Variants in BCAS3 observed in about 807,000 individuals in gnomAD.
The protein encoded by BCAS3 is BCAS3 microtubule associated cell migration factor, also known as BCAS4/BCAS3 fusion.
In BCAS3, 53 loss-of-function variants were observed where a neutral mutation model predicts 116.1. The ratio of observed to expected loss-of-function variants is 0.46; its 90% CI spans 0.37 to 0.57. The LOEUF (loss-of-function observed/expected upper bound fraction) is 0.57. BCAS3 is among the 20% of genes least tolerant of loss of function. The pLI is 0.00. For missense variants in BCAS3, 917 were observed against 1,165.4 expected (o/e 0.79, Z 3.10); for synonymous variants, 391 against 408.2 (o/e 0.96, Z 0.51).
intron 6 of BCAS3, among the ~76,000 whole-genome samples, chr17:60,761,847 C>T (rs2043574667): frequency 7.0e-6 from 1 of 142,446 alleles, no homozygotes; most frequent in African/African-American, 3.1e-5. Context: ...TCCTATTTCT[C>T]CACATCCTCT....
chr17:61,045,924 A>T (rs1275306244), intron 19 of BCAS3, among the ~76,000 whole-genome samples: 5 of 18,362 alleles, frequency 2.7e-4, no homozygotes, highest in Non-Finnish European at 3.5e-4. Context: ...TATATATATA[A>T]TATATATAAA....
At chr17:60,981,303 A>C (rs1437260846) in intron 14 of BCAS3, among the ~76,000 whole-genome samples, 1 of 151,356 alleles carries the variant, frequency 6.6e-6, no homozygotes, top group African/African-American at 2.4e-5. Flanking sequence ...TTCTTGAGAC[A>C]GGGTCTCGCT....
intron 7 of BCAS3, among the ~76,000 whole-genome samples, chr17:60,849,225 A>G (rs1406095594): frequency 1.3e-5 from 2 of 152,104 alleles, no homozygotes; most frequent in African/African-American, 4.8e-5. Context: ...CAGTCTTGAG[A>G]CAGAATTTTT....
At chr17:60,757,630 T>G (rs12946296) in intron 6 of BCAS3, among the ~76,000 whole-genome samples, 110,331 of 152,026 alleles carry the variant, frequency 0.73, 45,743 homozygotes, top group South Asian at 0.98. Flanking sequence ...TTGTTGAATT[T>G]TTTGAGTTCT....
At chr17:61,058,674 T>A (rs1048501562) in intron 19 of BCAS3, among the ~76,000 whole-genome samples, 2 of 152,202 alleles carry the variant, frequency 1.3e-5, no homozygotes, top group Non-Finnish European at 2.9e-5. Flanking sequence ...TCTGTAACCT[T>A]GTGTTGTGAC....
At chr17:60,911,119 C>CTTTTTTTTT (rs1567849303) in intron 12 of BCAS3, among the ~76,000 whole-genome samples, 21 of 35,274 alleles carry the variant, frequency 6.0e-4, no homozygotes, top group African/African-American at 1.6e-3. Context: ...TTCTTTTTTT[C>CTTTTTTTTT]TTTCTTTTTT....
At position 61,083,594 on chromosome 17, in the gene BCAS3, A is replaced by C. The variant is rs545357744; in HGVS notation, c.2328-873A>C. On this transcript the variant is annotated intron_variant, in intron 21 of 23. Transcript: ENST00000407086. This position sits in a 1 kb window ranked among gnomAD's most constrained non-coding sequence, Gnocchi z 4.9. ...GGCATTTGGCATTTATATGTTTATT[A>C]TTCTTTTTTTTTTTTTTTTGAGACG... Among the ~76,000 whole-genome samples, 51 of 146,154 alleles carry C rather than the reference A, an allele frequency of 3.5e-4. No individual in the cohort carries two copies. Among genetic ancestry groups the C allele is most frequent in the Non-Finnish European group, 6.1e-4 (41 of 66,934 alleles).
intron 4 of BCAS3, among the ~76,000 whole-genome samples, chr17:60,704,588 C>A (rs1347491262): frequency 3.3e-5 from 5 of 152,040 alleles, no homozygotes; most frequent in Non-Finnish European, 4.4e-5. Flanking sequence ...CGCCTGTAAT[C>A]CCAGCACTTT....
At chr17:60,767,340 C>CTT (rs779804407) in intron 6 of BCAS3, among the ~76,000 whole-genome samples, 79 of 116,434 alleles carry the variant, frequency 6.8e-4, no homozygotes, top group Middle Eastern at 5.1e-3. Flanking sequence ...CTCAGAAGTC[C>CTT]TTTTTTTTTT....
intron 22 of BCAS3, among the ~76,000 whole-genome samples, chr17:61,297,242 C>G (rs992709876): frequency 6.6e-6 from 1 of 152,132 alleles, no homozygotes; most frequent in Non-Finnish European, 1.5e-5. Flanking sequence ...CAAATTCTGG[C>G]TTGATAACTG....
chr17:60,932,677 G>A (rs1031209360), intron 13 of BCAS3, among the ~76,000 whole-genome samples: 10 of 145,764 alleles, frequency 6.9e-5, no homozygotes, highest in African/African-American at 2.6e-4. Flanking sequence ...GGGAGGCGGA[G>A]CTTGCAGTGA....
intron 22 of BCAS3, among the ~76,000 whole-genome samples, chr17:61,100,868 A>ATTTTTTT (rs2074283327): frequency 7.1e-6 from 1 of 141,028 alleles, no homozygotes; most frequent in African/African-American, 3.3e-5. Context: ...TACTTTTTAG[A>ATTTTTTT]TTTTTTGTTT....
At chr17:61,042,104 C>A (rs891155878) in intron 19 of BCAS3, among the ~76,000 whole-genome samples, 2 of 151,948 alleles carry the variant, frequency 1.3e-5, no homozygotes, top group Non-Finnish European at 2.9e-5. Flanking sequence ...AGAAGCAGTG[C>A]ATATAGAAGT....
intron 22 of BCAS3, among the ~76,000 whole-genome samples, chr17:61,195,083 G>A (rs2080395927): frequency 6.6e-6 from 1 of 152,206 alleles, no homozygotes. Flanking sequence ...GAAGTGTCCT[G>A]TAAATGATCA....
chr17:61,324,719 C>A lies in BCAS3; in HGVS notation c.2426-43608C>A, dbSNP rs2143030210. 6.6e-6 allele frequency among the ~76,000 whole-genome samples: 1 copy of A among 151,962 alleles called. No homozygotes were observed. Among genetic ancestry groups the A allele is most frequent in the South Asian group, 2.1e-4 (1 of 4,810 alleles). Reference sequence around the variant, plus strand: ...GCCTTGTTTATAAAATGGTATCCAGCCAGGCACGGTAGCTCACTTCTATAA... The same window carrying A: ...GCCTTGTTTATAAAATGGTATCCAGACAGGCACGGTAGCTCACTTCTATAA... On this transcript the variant is annotated intron_variant, in intron 22 of 23. Coordinates refer to ENST00000407086, the MANE Select transcript of BCAS3 (RefSeq NM_017679.5). The surrounding 1 kb of genome is among the most constrained non-coding windows in gnomAD (Gnocchi z 4.6).
Position 60,936,187 on chromosome 17 carries a change from C to T in BCAS3, c.1088-11032C>T, listed in dbSNP as rs954631952. Among the ~76,000 whole-genome samples, 38 of 151,480 alleles carry T rather than the reference C, an allele frequency of 2.5e-4. 1 individual carries two copies. The highest frequency in any genetic ancestry group is 1.2e-3 in the Admixed American group (19 of 15,216). On this transcript the variant is annotated intron_variant, in intron 13 of 23. Transcript: ENST00000407086. ...TCCATGTCCCTACAAAGGACATGAA[C>T]TCATCCTTTTTTATGGCTGCATAGT...
chr17:60,892,776 G>C (rs2057258395), intron 10 of BCAS3, among the ~76,000 whole-genome samples: 1 of 151,976 alleles, frequency 6.6e-6, no homozygotes, highest in Admixed American at 6.6e-5. Flanking sequence ...CAAAAAATTA[G>C]CTGGGTGTGG....
At chr17:61,246,853 CAAAG>C (rs2048014808) in intron 22 of BCAS3, among the ~76,000 whole-genome samples, 2 of 149,606 alleles carry the variant, frequency 1.3e-5, no homozygotes, top group South Asian at 4.2e-4. Context: ...ACCTAATTGA[CAAAG>C]CAATCATGAT....
chr17:61,218,720 C>T (rs2081944180), intron 22 of BCAS3, among the ~76,000 whole-genome samples: 1 of 152,146 alleles, frequency 6.6e-6, no homozygotes, highest in South Asian at 2.1e-4. Context: ...TGTCACATAA[C>T]TTTTCAGTTC....
Sources: allele counts gnomAD v4.1 joint callset (sites outside exome capture counted in the v4.1 genomes callset), GRCh38; gene constraint gnomAD v4.1.1; non-coding constraint Gnocchi (gnomAD v3.1); transcripts MANE v1.5; gene names NCBI Gene and HGNC (gene_info 2026-07-23, HGNC 2026-07-21).